ICE2: variants seen among roughly 807,000 people sequenced by gnomAD.
ICE2 encodes interactor of little elongation complex ELL subunit 2.
ICE2 carries 87 observed loss-of-function variants against 105.4 expected under a neutral mutation model. The observed-to-expected ratio is 0.83, with a 90% CI of 0.69 to 0.99. The LOEUF is 0.99. Ranked by LOEUF, ICE2 falls within the 50% of genes least tolerant of loss-of-function variation. The probability of loss-of-function intolerance (pLI) is 0.00; values close to 1 mark genes in which losing one functional copy is unlikely to be tolerated. For missense variants in ICE2, 1,323 were observed against 1,146.7 expected (o/e 1.15, Z -2.22); for synonymous variants, 399 against 392.0 (o/e 1.02, Z -0.21).
intron 14 of ICE2, among the ~76,000 whole-genome samples, chr15:60,429,387 A>C (rs2063406431): frequency 1.3e-5 from 2 of 152,202 alleles, no homozygotes; most frequent in African/African-American, 4.8e-5. Context: ...CTTAGATATA[A>C]ACCCAGGCAT....
chr15:60,431,989 T>C lies in ICE2; in HGVS notation c.2511-5A>G, dbSNP rs2063470207. On this transcript the variant is annotated splice_polypyrimidine_tract_variant and splice_region_variant and intron_variant, in intron 13 of 15. Transcript: ENST00000261520. ...ATGTTAAATAAATTGGAAATCCTGA[T>C]AAACAAAAGAAATTCATGTAAAATT... 3 of 1,386,862 alleles carry C rather than the reference T, an allele frequency of 2.2e-6. No homozygotes were observed. Among genetic ancestry groups the C allele is most frequent in the East Asian group, 2.4e-5 (1 of 41,680 alleles). 85.9% of individuals were successfully genotyped at this position (1,386,862 alleles called of 1,614,324 possible). A position where few individuals can be genotyped will look rare whatever the true frequency, so the allele number is the denominator to read the frequency against.
chr15:60,474,764 T>C (rs1196467170), intron 3 of ICE2, among the ~76,000 whole-genome samples: 1 of 152,182 alleles, frequency 6.6e-6, no homozygotes, highest in Non-Finnish European at 1.5e-5. Flanking sequence ...GGTAAGAAAG[T>C]AATTAGGAGA....
chr15:60,449,886 A>G lies in ICE2; in HGVS notation c.1126-45T>C, dbSNP rs139164335. ...AAAGTATTAGTAAAAATTTCAAGCC[A>G]CCCTACCTATCTCTTAATGTCCCTA... On this transcript the variant is annotated intron_variant, in intron 9 of 15. Coordinates refer to ENST00000261520, the MANE Select transcript of ICE2 (RefSeq NM_024611.6). 2.8e-5 allele frequency: 39 copies of G among 1,407,800 alleles called. No homozygotes were observed. The African/African-American group carries it at 5.1e-4, about 18-fold the overall frequency. The allele number at this position is 1,407,800 out of a possible 1,614,324, so 87.2% of individuals were successfully genotyped here.
At chr15:60,463,867 C>T (rs924793738) in intron 5 of ICE2, among the ~76,000 whole-genome samples, 1 of 152,158 alleles carries the variant, frequency 6.6e-6, no homozygotes, top group Non-Finnish European at 1.5e-5. Flanking sequence ...CTTATCACCA[C>T]CAAAGCTGGG....
chr15:60,459,057 A>C (rs2064203359), intron 5 of ICE2, among the ~76,000 whole-genome samples: 1 of 152,172 alleles, frequency 6.6e-6, no homozygotes, highest in African/African-American at 2.4e-5. Flanking sequence ...TAACAATGTA[A>C]ATGTATTTAA....
intron 12 of ICE2, chr15:60,441,780 G>A (rs1211785199): frequency 6.6e-6 from 1 of 152,146 alleles, no homozygotes; most frequent in Non-Finnish European, 1.5e-5. Context: ...TACATGAAAT[G>A]AGCCAATGCA....
chr15:60,430,099 T>C (rs967341384), intron 14 of ICE2, among the ~76,000 whole-genome samples: 4 of 152,212 alleles, frequency 2.6e-5, no homozygotes, highest in Non-Finnish European at 5.9e-5. Flanking sequence ...AGGTAGCAGA[T>C]GGAATTAAGG....
At position 60,449,117 on chromosome 15, in the gene ICE2, T is replaced by C. The variant is rs754127461; in HGVS notation, c.1850A>G (p.Asn617Ser). ...NSSSGQASVG[N>S]QTNTACSPEE... is the part of the protein sequence containing the mutation. ...AGGACTACAAGCAGTATTAGTCTGGTTTCCTACAGAAGCCTGTCCTGAGGA... is the reference window on the plus strand; with the variant it reads ...AGGACTACAAGCAGTATTAGTCTGGCTTCCTACAGAAGCCTGTCCTGAGGA... Residue 617 changes from asparagine (N) to serine (S), a missense_variant, in exon 10 of 16, where the codon AAC (asparagine) becomes AGC (serine). Physicochemically the swap from Asn to Ser is conservative, Grantham distance 46. Transcript: ENST00000261520. 5.6e-6 allele frequency: 9 copies of C among 1,614,068 alleles called. No individual in the cohort carries two copies. Among genetic ancestry groups the C allele is most frequent in the Middle Eastern group, 1.7e-4 (1 of 6,058 alleles).
In ICE2 at chr15:60,420,893, G is replaced by A. The variant is rs2063236561; in HGVS notation, c.*2741C>T. 1 of 152,070 alleles carries A rather than the reference G, an allele frequency of 6.6e-6. No homozygotes were observed. The highest frequency in any genetic ancestry group is 2.1e-4 in the South Asian group (1 of 4,826). The allele number at this position is 152,070 out of a possible 1,614,324, so 9.4% of individuals were successfully genotyped here. A position where few individuals can be genotyped will look rare whatever the true frequency, so the allele number is the denominator to read the frequency against. On this transcript the variant is annotated 3_prime_UTR_variant, in exon 16 of 16. Transcript: ENST00000261520. Reference sequence around the variant, plus strand: ...CATGCATCTAACTAATATCTGCTAAGCAACTACATGACAGGCACTGTATTA... The same window carrying A: ...CATGCATCTAACTAATATCTGCTAAACAACTACATGACAGGCACTGTATTA...
At chr15:60,434,901 T>C (rs929348719) in intron 13 of ICE2, among the ~76,000 whole-genome samples, 2 of 152,230 alleles carry the variant, frequency 1.3e-5, no homozygotes, top group African/African-American at 4.8e-5. Context: ...AGAATTATAA[T>C]GTTCCTAACA....
intron 3 of ICE2, among the ~76,000 whole-genome samples, chr15:60,473,730 A>C (rs1328672747): frequency 1.4e-5 from 2 of 144,148 alleles, no homozygotes; most frequent in African/African-American, 5.3e-5. Context: ...AGTTATCCTC[A>C]AAAAACTTTA....
chr15:60,454,964 CTTTT>C, intron 8 of ICE2, 35 bp downstream of exon 8: 4 of 1,506,834 alleles, frequency 2.7e-6, no homozygotes, highest in South Asian at 1.4e-5. Context: ...TCCAACTTCT[CTTTT>C]TTGAGAGCAT....
intron 2 of ICE2, among the ~76,000 whole-genome samples, chr15:60,477,195 G>A (rs752727618): frequency 1.3e-5 from 2 of 152,148 alleles, no homozygotes; most frequent in African/African-American, 4.8e-5. Flanking sequence ...CCTTGTCGTG[G>A]TATTGTATCT....
rs1222446338 is a variant in ICE2, at chr15:60,421,772, G to A, written c.*1862C>T. 6.6e-6 allele frequency: 1 copy of A among 151,942 alleles called. No homozygotes were observed. The highest frequency in any genetic ancestry group is 2.4e-5 in the African/African-American group (1 of 41,364). The allele number at this position is 151,942 out of a possible 1,614,324, so 9.4% of individuals were successfully genotyped here. A position where few individuals can be genotyped will look rare whatever the true frequency, so the allele number is the denominator to read the frequency against. On this transcript the variant is annotated 3_prime_UTR_variant, in exon 16 of 16. Coordinates refer to ENST00000261520, the MANE Select transcript of ICE2 (RefSeq NM_024611.6). ...ACATTTCTGGGATATGTGACTTAAG[G>A]AATAAAAAAACTCAGTGTTTTATAA...
chr15:60,430,992 C>T (rs766609217), intron 14 of ICE2, among the ~76,000 whole-genome samples: 3 of 152,092 alleles, frequency 2.0e-5, no homozygotes, highest in Admixed American at 6.6e-5. Context: ...CTGCCTCAGC[C>T]TCCTGAGTAG....
chr15:60,422,716 G>T lies in ICE2; in HGVS notation c.*918C>A, dbSNP rs1275872903. On this transcript the variant is annotated 3_prime_UTR_variant, in exon 16 of 16. Transcript: ENST00000261520. ...TAGCCAAGCCTGGTGGTAGGTGCCT[G>T]TAGTCCCAGCTACTCGGGAGGATGA... The T allele has an allele frequency of 6.6e-6, 1 of 152,046 alleles. No homozygotes were observed. The highest frequency in any genetic ancestry group is 1.5e-5 in the Non-Finnish European group (1 of 68,112). 9.4% of individuals were successfully genotyped at this position (152,046 alleles called of 1,614,324 possible). A position where few individuals can be genotyped will look rare whatever the true frequency, so the allele number is the denominator to read the frequency against.
intron 5 of ICE2, among the ~76,000 whole-genome samples, chr15:60,465,015 CT>C (rs1241177266): frequency 6.6e-6 from 1 of 152,140 alleles, no homozygotes; most frequent in Non-Finnish European, 1.5e-5. Context: ...TCATTCTGGT[CT>C]TTTAAAAGGC....
intron 12 of ICE2, chr15:60,440,210 C>T (rs2063689309): frequency 6.6e-6 from 1 of 152,196 alleles, no homozygotes; most frequent in South Asian, 2.1e-4. Context: ...GATCTGTGGA[C>T]TGAAGAGCCA....
At chr15:60,460,201 A>G (rs1479468264) in intron 5 of ICE2, among the ~76,000 whole-genome samples, 3 of 152,186 alleles carry the variant, frequency 2.0e-5, no homozygotes, top group Non-Finnish European at 4.4e-5. Flanking sequence ...CAGAGTCAAA[A>G]AATTGATCCA....
Sources: gnomAD v4.1 joint callset for allele counts (sites outside exome capture counted in the v4.1 genomes callset) on GRCh38, gnomAD v4.1.1 for gene constraint, MANE v1.5 for transcripts, NCBI Gene and HGNC (gene_info 2026-07-23, HGNC 2026-07-21) for gene names.